Variants in TECTA observed in about 807,000 individuals in gnomAD.
The protein encoded by TECTA is alpha-tectorin.
TECTA carries 128 observed loss-of-function variants against 216.8 expected under a neutral mutation model. The ratio of observed to expected loss-of-function variants is 0.59; its 90% CI spans 0.51 to 0.68. The LOEUF is 0.68. TECTA is among the 30% of genes least tolerant of loss of function. TECTA has a pLI of 0.00. For synonymous variants in TECTA, 1,089 were observed against 1,117.1 expected (o/e 0.97, Z 0.50); for missense variants, 2,551 against 2,786.2 (o/e 0.92, Z 1.90).
intron 6 of TECTA, among the ~76,000 whole-genome samples, chr11:121,117,998 G>A (rs201275295): frequency 5.9e-5 from 9 of 152,186 alleles, no homozygotes; most frequent in South Asian, 2.1e-4. Flanking sequence ...TCATGATAAC[G>A]TGGTTTTCCT....
At chr11:121,186,155 G>A (rs1947284563) in intron 20 of TECTA, among the ~76,000 whole-genome samples, 2 of 149,864 alleles carry the variant, frequency 1.3e-5, no homozygotes, top group African/African-American at 5.0e-5. Context: ...GATGTTCAAT[G>A]CTTAATGAAT....
intron 11 of TECTA, among the ~76,000 whole-genome samples, chr11:121,139,899 C>G (rs897008055): frequency 6.6e-6 from 1 of 152,188 alleles, no homozygotes; most frequent in African/African-American, 2.4e-5. Context: ...TTCCCTCTAT[C>G]CATTTTCATC....
At chr11:121,183,970 G>A (rs752642449) in intron 20 of TECTA, among the ~76,000 whole-genome samples, 21 of 151,984 alleles carry the variant, frequency 1.4e-4, no homozygotes, top group East Asian at 1.4e-3. Context: ...TCTATTTTTC[G>A]TAGAGACTTG....
chr11:121,177,911 G>A (rs962010876), intron 20 of TECTA, among the ~76,000 whole-genome samples: 10 of 152,200 alleles, frequency 6.6e-5, no homozygotes, highest in East Asian at 1.9e-4. Context: ...CCTTGCTGCC[G>A]CCTTGCAGTT....
intron 15 of TECTA, among the ~76,000 whole-genome samples, chr11:121,160,770 GAGA>G (rs888612917): frequency 2.2e-4 from 34 of 152,220 alleles, no homozygotes; most frequent in African/African-American, 7.0e-4. Flanking sequence ...AGAGGTGACT[GAGA>G]AGAAGAAGGG....
chr11:121,130,821 G>T (rs756526104), intron 10 of TECTA, among the ~76,000 whole-genome samples: 16 of 152,092 alleles, frequency 1.1e-4, no homozygotes, highest in Admixed American at 3.9e-4. Context: ...CAGAAAGCAG[G>T]ACTCACTCGT....
intron 20 of TECTA, among the ~76,000 whole-genome samples, chr11:121,174,149 G>A (rs1057051117): frequency 8.1e-4 from 123 of 152,248 alleles, no homozygotes; most frequent in Non-Finnish European, 1.6e-4. Flanking sequence ...GGGACAATTT[G>A]TCTTCCTCTT....
chr11:121,170,795 G>C (rs1300694207), intron 20 of TECTA, among the ~76,000 whole-genome samples: 1 of 152,042 alleles, frequency 6.6e-6, no homozygotes, highest in Non-Finnish European at 1.5e-5. Context: ...TCTTGCTGTT[G>C]AGTTGTTTGA....
chr11:121,111,982 A>G (rs1007374378), intron 4 of TECTA, among the ~76,000 whole-genome samples: 2 of 152,124 alleles, frequency 1.3e-5, no homozygotes, highest in African/African-American at 4.8e-5. Flanking sequence ...GGCTTCCAAG[A>G]TCCTCTACCC....
chr11:121,107,465 C>G (rs1227663425), intron 3 of TECTA, among the ~76,000 whole-genome samples: 1 of 152,184 alleles, frequency 6.6e-6, no homozygotes, highest in African/African-American at 2.4e-5. Context: ...AACCCAAAGC[C>G]TTGCTTCCAA....
intron 14 of TECTA, among the ~76,000 whole-genome samples, chr11:121,159,033 C>G (rs1946972975): frequency 6.6e-6 from 1 of 152,194 alleles, no homozygotes; most frequent in African/African-American, 2.4e-5. Flanking sequence ...CACAGAGAGG[C>G]AGGGACCCGG....
Position 121,128,188 on chromosome 11 carries a change from C to A in TECTA, c.2211C>A (p.Tyr737Ter). 1 of 1,607,970 alleles carries A rather than the reference C, an allele frequency of 6.2e-7. No individual in the cohort carries two copies. Among genetic ancestry groups the A allele is most frequent in the Non-Finnish European group, 8.5e-7 (1 of 1,180,000 alleles). Reference protein sequence around the residue: ...ASYAFPSEFSYTLLKTCPERP... With the variant: ...ASYAFPSEFS ...ACGCCTTCCCCTCCGAGTTCTCCTA[C>A]ACCCTCCTGAAGACCTGCCCTGAGC... The change falls in exon 9 of 24, where the codon TAC becomes TAA. Residue 737 changes from tyrosine to a stop codon, truncating the protein, a stop_gained. Coordinates refer to ENST00000392793, the MANE Select transcript of TECTA (RefSeq NM_005422.4). LOFTEE classifies it high-confidence loss of function.
rs748044327 is a variant in TECTA at position 121,158,192 on chromosome 11, C to A, written c.4657C>A (p.Gln1553Lys). ...SPVYFYINEE[Q>K]ILINDRNTVK... is the part of the protein sequence containing the mutation. ...CGTCTACTTCTACATTAACGAAGAG[C>A]AGATTCTCATCAACGACCGGAACAC... The change falls in exon 14 of 24, where the codon CAG (glutamine) becomes AAG (lysine). Residue 1553 changes from glutamine (Q) to lysine (K), a missense_variant. Physicochemically the swap from Gln to Lys is moderately conservative, Grantham distance 53. Around this residue, in one of 3 missense-constraint regions of TECTA, gnomAD observed 2,375 missense variants for 2,563.9 expected, o/e 0.93. Coordinates refer to ENST00000392793, the MANE Select transcript of TECTA (RefSeq NM_005422.4). The A allele has an allele frequency of 3.0e-5, 48 of 1,613,818 alleles. No homozygotes were observed. The highest frequency in any genetic ancestry group is 3.8e-5 in the Non-Finnish European group (45 of 1,180,038).
At position 121,146,015 on chromosome 11, in the gene TECTA, G is replaced by C. The variant is rs148619105; in HGVS notation, c.4004G>C (p.Gly1335Ala). 6.8e-6 allele frequency: 11 copies of C among 1,613,982 alleles called. No homozygotes were observed. The highest frequency in any genetic ancestry group is 1.7e-5 in the Admixed American group (1 of 60,010). Residue 1335 changes from glycine (G) to alanine (A), a missense_variant, in exon 12 of 24, where the codon GGG becomes GCG. Physicochemically the swap from Gly to Ala is moderately conservative, Grantham distance 60. Around this residue, in one of 3 missense-constraint regions of TECTA, gnomAD observed 2,375 missense variants for 2,563.9 expected, o/e 0.93. Coordinates refer to ENST00000392793, the MANE Select transcript of TECTA (RefSeq NM_005422.4). ...KNCLFDSCID[G>A]GAVQTACSWL... ...TGCCTGTTTGACTCTTGCATCGATG[G>C]GGGCGCGGTGCAGACCGCCTGCAGC... is the stretch of plus-strand genomic sequence containing the variant.
In TECTA at chr11:121,113,258, T is replaced by G; in HGVS notation, c.624+49T>G. ...CCCGCGTGTTTCCGTCGCTGCACTC[T>G]CTGCTTCTGTGGCTCAGCATCCTGG... On this transcript the variant is annotated intron_variant, in intron 5 of 23. Coordinates refer to ENST00000392793, the MANE Select transcript of TECTA (RefSeq NM_005422.4). The surrounding 1 kb of genome is among the most constrained non-coding windows in gnomAD (Gnocchi z 4.2). The G allele has an allele frequency of 2.5e-6, 4 of 1,612,700 alleles. No individual in the cohort carries two copies. The highest frequency in any genetic ancestry group is 3.4e-6 in the Non-Finnish European group (4 of 1,179,954).
At chr11:121,187,517 C>A (rs1947299304) in intron 20 of TECTA, among the ~76,000 whole-genome samples, 1 of 152,136 alleles carries the variant, frequency 6.6e-6, no homozygotes, top group South Asian at 2.1e-4. Context: ...CGGTAGAACA[C>A]AACATTATGA....
intron 11 of TECTA, among the ~76,000 whole-genome samples, chr11:121,140,543 A>ACTGGG (rs750786645): frequency 6.6e-6 from 1 of 152,152 alleles, no homozygotes; most frequent in African/African-American, 2.4e-5. Flanking sequence ...AATACCACAG[A>ACTGGG]CTGGGCGGCC....
intron 11 of TECTA, among the ~76,000 whole-genome samples, chr11:121,144,143 C>T (rs921596417): frequency 6.6e-6 from 1 of 152,078 alleles, no homozygotes; most frequent in African/African-American, 2.4e-5. Context: ...GCAAACTGTT[C>T]GGTGTTGCTG....
rs1480303919 is a variant in TECTA at position 121,105,108 on chromosome 11, G to T, written c.65-723G>T. On this transcript the variant is annotated intron_variant, in intron 2 of 23. Transcript: ENST00000392793. The surrounding 1 kb of genome is among the most constrained non-coding windows in gnomAD (Gnocchi z 5.3). ...AGAGGAGGTGACCCTGTCACAGCGG[G>T]ATGCAGTGTGTGTTTGTGTGATGGC... Among the ~76,000 whole-genome samples, 1 of 152,192 alleles carries T rather than the reference G, an allele frequency of 6.6e-6. No individual in the cohort carries two copies. Among genetic ancestry groups the T allele is most frequent in the Non-Finnish European group, 1.5e-5 (1 of 68,030 alleles).
Sources: allele counts gnomAD v4.1 joint callset (sites outside exome capture counted in the v4.1 genomes callset), GRCh38; gene constraint gnomAD v4.1.1; regional missense constraint gnomAD v4.1.1; non-coding constraint Gnocchi (gnomAD v3.1); transcripts MANE v1.5; gene names NCBI Gene and HGNC (gene_info 2026-07-23, HGNC 2026-07-21).